The following RBMS3 variants were observed in gnomAD, a reference collection of about 807,000 sequenced individuals.
RBMS3 encodes the protein RNA binding motif single stranded interacting protein 3, also known as RNA-binding motif, single-stranded-interacting protein 3.
In RBMS3, 27 loss-of-function variants were observed where a neutral mutation model predicts 66.8. That is an observed-to-expected ratio of 0.40 (90% CI 0.30 to 0.56). The LOEUF is 0.56. RBMS3 is among the 20% of genes least tolerant of loss of function. RBMS3 has a pLI of 0.40. For missense variants in RBMS3, 513 were observed against 549.5 expected (o/e 0.93, Z 0.66); for synonymous variants, 188 against 183.0 (o/e 1.03, Z -0.22).
chr3:29,681,509 A>G (rs1350522872), intron 4 of RBMS3, among the ~76,000 whole-genome samples: 1 of 86,978 alleles, frequency 1.1e-5, no homozygotes, highest in Non-Finnish European at 2.3e-5. Flanking sequence ...CCCCCACACA[A>G]TCCCCCCAGA....
intron 12 of RBMS3, among the ~76,000 whole-genome samples, chr3:29,954,264 A>G (rs1577238488): frequency 1.3e-5 from 2 of 151,718 alleles, no homozygotes; most frequent in South Asian, 2.1e-4. Context: ...CCTATCATCT[A>G]TTTTGCTTTT....
At position 29,651,783 on chromosome 3, in the gene RBMS3, G is replaced by A. The variant is rs537814831; in HGVS notation, c.399+64578G>A. 6.7e-4 allele frequency among the ~76,000 whole-genome samples: 102 copies of A among 152,130 alleles called. 3 individuals carry two copies. The South Asian group carries it at 0.021, about 31-fold the overall frequency. ...AATAGCTGAATGATTTACAACAATG[G>A]CAGTTTGGATGGTTGATAGCTTTGC... On this transcript the variant is annotated intron_variant, in intron 4 of 14. Transcript: ENST00000383767.
intron 1 of RBMS3, among the ~76,000 whole-genome samples, chr3:29,387,030 C>A (rs2039039712): frequency 6.6e-6 from 1 of 152,196 alleles, no homozygotes; most frequent in South Asian, 2.1e-4. Flanking sequence ...GTTACCCCTT[C>A]TCAATCTCGC....
At chr3:29,709,206 G>A (rs913326387) in intron 4 of RBMS3, among the ~76,000 whole-genome samples, 6 of 152,148 alleles carry the variant, frequency 3.9e-5, no homozygotes, top group African/African-American at 1.4e-4. Context: ...AAACCAACCT[G>A]CAGCCAACGA....
At chr3:29,533,407 A>G (rs1019367556) in intron 3 of RBMS3, among the ~76,000 whole-genome samples, 41 of 152,176 alleles carry the variant, frequency 2.7e-4, no homozygotes, top group African/African-American at 9.2e-4. Flanking sequence ...GTTTGAGCCC[A>G]GGAGTTTGAG....
At chr3:29,708,284 T>G (rs958572505) in intron 4 of RBMS3, among the ~76,000 whole-genome samples, 2 of 152,140 alleles carry the variant, frequency 1.3e-5, no homozygotes, top group Non-Finnish European at 2.9e-5. Context: ...AAATATCAGA[T>G]GAAAGGTTTA....
chr3:29,907,529 G>T (rs1261980882), intron 10 of RBMS3, among the ~76,000 whole-genome samples: 1 of 151,694 alleles, frequency 6.6e-6, no homozygotes, highest in Non-Finnish European at 1.5e-5. Flanking sequence ...TAATATATTT[G>T]TAATTAATTG....
intron 3 of RBMS3, among the ~76,000 whole-genome samples, chr3:29,583,021 C>T (rs991424588): frequency 6.6e-5 from 10 of 152,024 alleles, no homozygotes; most frequent in African/African-American, 2.4e-4. Context: ...ATTTATGAAG[C>T]CTTTATCCCC....
At chr3:29,918,984 A>AAAGCTTT (rs1241591593) in intron 10 of RBMS3, among the ~76,000 whole-genome samples, 1 of 152,112 alleles carries the variant, frequency 6.6e-6, no homozygotes, top group Non-Finnish European at 1.5e-5. Context: ...AAACAAGCAA[A>AAAGCTTT]AAGCTTTATC....
chr3:29,650,926 C>T (rs1435256725), intron 4 of RBMS3, among the ~76,000 whole-genome samples: 1 of 152,142 alleles, frequency 6.6e-6, no homozygotes, highest in Non-Finnish European at 1.5e-5. Flanking sequence ...CTGGTTTATT[C>T]ACTAGGGTAT....
At chr3:29,565,974 G>A (rs548685080) in intron 3 of RBMS3, among the ~76,000 whole-genome samples, 4 of 152,214 alleles carry the variant, frequency 2.6e-5, no homozygotes, top group South Asian at 2.1e-4. Flanking sequence ...AGAGAGGCAA[G>A]GAATTGTGTA....
At chr3:29,525,922 C>T (rs2045076064) in intron 3 of RBMS3, among the ~76,000 whole-genome samples, 1 of 152,128 alleles carries the variant, frequency 6.6e-6, no homozygotes, top group African/African-American at 2.4e-5. Flanking sequence ...CGATTTTCTG[C>T]CTCTAAAAAG....
rs548495706 is a variant in RBMS3, at chr3:30,003,922, A to G, written c.*60A>G. ...TTGAATGAAGAAACTTCATTGAACAAGAAGTTGGCTTCCAGTTTGCACAGA... is the reference window on the plus strand; with the variant it reads ...TTGAATGAAGAAACTTCATTGAACAGGAAGTTGGCTTCCAGTTTGCACAGA... On this transcript the variant is annotated 3_prime_UTR_variant, in exon 15 of 15. Transcript: ENST00000383767. 4.4e-6 allele frequency: 6 copies of G among 1,377,578 alleles called. No individual in the cohort carries two copies. In the African/African-American group the frequency reaches 5.9e-5, roughly 14 times the overall value. The allele number at this position is 1,377,578 out of a possible 1,614,324, so 85.3% of individuals were successfully genotyped here. A position where few individuals can be genotyped will look rare whatever the true frequency, so the allele number is the denominator to read the frequency against.
In RBMS3 at chr3:29,587,227, GT is replaced by G. The variant is rs537893659; in HGVS notation, c.399+44del. The stretch of plus-strand genomic sequence containing the variant: ...TAAGGTAAGATTGATGTTTAGGGGT[GT>G]TTTTTTTTTTTTTTTTTTTTTGTGT... On this transcript the variant is annotated intron_variant, in intron 4 of 14. Transcript: ENST00000383767. The G allele has an allele frequency of 7.8e-3, 1,652 of 212,978 alleles. 6 individuals carry two copies. The highest frequency in any genetic ancestry group is 8.9e-3 in the Non-Finnish European group (1,320 of 148,374). 13.2% of individuals were successfully genotyped at this position (212,978 alleles called of 1,614,324 possible).
intron 1 of RBMS3, among the ~76,000 whole-genome samples, chr3:29,311,202 G>T (rs981344420): frequency 6.6e-6 from 1 of 151,726 alleles, no homozygotes. Flanking sequence ...GATTGGAGGT[G>T]GGTTTGTTTG....
chr3:29,457,612 C>T (rs1332975224), intron 2 of RBMS3, among the ~76,000 whole-genome samples: 1 of 152,120 alleles, frequency 6.6e-6, no homozygotes, highest in African/African-American at 2.4e-5. Flanking sequence ...GTCCCTGCTA[C>T]TCAGGAAGCT....
intron 2 of RBMS3, among the ~76,000 whole-genome samples, chr3:29,457,673 G>C (rs1440297054): frequency 6.6e-6 from 1 of 152,174 alleles, no homozygotes; most frequent in Non-Finnish European, 1.5e-5. Context: ...AGTGAGCTGA[G>C]ATCTTGCCCC....
chr3:29,342,908 T>G (rs2125540944), intron 1 of RBMS3, among the ~76,000 whole-genome samples: 1 of 152,262 alleles, frequency 6.6e-6, no homozygotes, highest in African/African-American at 2.4e-5. Context: ...AAAAATTGAT[T>G]TACTGGCTTG....
At chr3:29,857,606 T>G (rs894825363) in intron 6 of RBMS3, among the ~76,000 whole-genome samples, 1 of 151,844 alleles carries the variant, frequency 6.6e-6, no homozygotes, top group Non-Finnish European at 1.5e-5. Context: ...CCAACTACAT[T>G]TCATTATAGA....
Sources: allele counts gnomAD v4.1 joint callset (sites outside exome capture counted in the v4.1 genomes callset), GRCh38; gene constraint gnomAD v4.1.1; transcripts MANE v1.5; gene names NCBI Gene and HGNC (gene_info 2026-07-23, HGNC 2026-07-21).